The following BLM variants were observed in gnomAD, a reference collection of about 807,000 sequenced individuals.
The protein encoded by BLM is BLM RecQ like helicase, also known as recQ-like DNA helicase BLM.
Under a neutral mutation model 135.3 loss-of-function variants are expected in BLM, and 95 were observed. The observed-to-expected ratio is 0.70, with a 90% CI of 0.59 to 0.83. The LOEUF (loss-of-function observed/expected upper bound fraction) is 0.83. Among genes scored for constraint, BLM ranks in the 40% least tolerant of loss-of-function variants. BLM has a pLI of 0.00. For missense variants in BLM, 1,518 were observed against 1,663.9 expected (o/e 0.91, Z 1.53); for synonymous variants, 520 against 589.2 (o/e 0.88, Z 1.70).
At chr15:90,796,337 G>C (rs1402081927) in intron 16 of BLM, among the ~76,000 whole-genome samples, 1 of 152,166 alleles carries the variant, frequency 6.6e-6, no homozygotes, top group African/African-American at 2.4e-5. Flanking sequence ...ATAAGAGAAG[G>C]GACGGAAGAG....
chr15:90,758,529 A>G (rs1391900439), intron 5 of BLM, among the ~76,000 whole-genome samples: 5 of 152,080 alleles, frequency 3.3e-5, no homozygotes, highest in Middle Eastern at 3.2e-3. Context: ...TTGAAATTCT[A>G]TTTATTAGTT....
intron 14 of BLM, among the ~76,000 whole-genome samples, chr15:90,788,478 T>A (rs200584657): frequency 8.3e-6 from 1 of 120,518 alleles, no homozygotes; most frequent in Non-Finnish European, 1.9e-5. Context: ...TTTGTTTTTT[T>A]TTTTTTTTTT....
intron 8 of BLM, among the ~76,000 whole-genome samples, chr15:90,764,073 C>G (rs1284836676): frequency 1.3e-5 from 2 of 151,648 alleles, no homozygotes; most frequent in African/African-American, 4.8e-5. Context: ...TCCTTTCAAC[C>G]CTATTTTGGT....
rs1413246062 is a variant in BLM at position 90,751,920 on chromosome 15, T to C, written c.933T>C (p.Ala311=). Residue 311 remains alanine (A), a synonymous_variant, in exon 4 of 22, where the codon GCT becomes GCC. Transcript: ENST00000355112. ...VPPSPEEIIS[A]SSSSSKCLST... ...CTTCTCCAGAAGAAATTATTTCTGC[T>C]TCTTCTTCCTCTTCAAAATGCCTTA... is the stretch of plus-strand genomic sequence containing the variant. The C allele has an allele frequency of 6.2e-7, 1 of 1,612,636 alleles. No individual in the cohort carries two copies. Among genetic ancestry groups the C allele is most frequent in the Non-Finnish European group, 8.5e-7 (1 of 1,178,914 alleles).
chr15:90,772,150 C>A (rs1896337727), intron 12 of BLM, among the ~76,000 whole-genome samples: 1 of 152,184 alleles, frequency 6.6e-6, no homozygotes, highest in South Asian at 2.1e-4. Context: ...GTTTCCTGAT[C>A]TTTTCTGCCA....
At chr15:90,780,540 G>A (rs2151176421) in intron 12 of BLM, among the ~76,000 whole-genome samples, 1 of 152,304 alleles carries the variant, frequency 6.6e-6, no homozygotes, top group Admixed American at 6.5e-5. Context: ...GTCTGTGGGA[G>A]CATTCTCAGA....
chr15:90,793,081 G>A (rs527477972), intron 15 of BLM, among the ~76,000 whole-genome samples: 1 of 150,396 alleles, frequency 6.6e-6, no homozygotes, highest in Non-Finnish European at 1.5e-5. Flanking sequence ...GCAACTATTT[G>A]GGGGAAAAAT....
rs572374759 is a variant in BLM at position 90,773,421 on chromosome 15, A to AAAAC, written c.2555+3847_2555+3850dup. 9.4e-3 allele frequency among the ~76,000 whole-genome samples: 1,423 copies of AAAAC among 152,140 alleles called. 62 individuals are homozygous for AAAAC. Among genetic ancestry groups the AAAAC allele is most frequent in the Admixed American group, 0.085 (1,290 of 15,212 alleles). On this transcript the variant is annotated intron_variant, in intron 12 of 21. Transcript: ENST00000355112. ...GGTGATAGAGCGAGACTCCATCTGAAAAACAAACAAACAAAAAAAGGCTTA... is the reference window on the plus strand; with the variant it reads ...GGTGATAGAGCGAGACTCCATCTGAAAAACAAACAAACAAACAAAAAAAGGCTTA...
chr15:90,737,962 G>A (rs1451604513), intron 1 of BLM, among the ~76,000 whole-genome samples: 3 of 152,106 alleles, frequency 2.0e-5, no homozygotes, highest in African/African-American at 7.2e-5. Flanking sequence ...AAAATCAGAA[G>A]TGAACAAGGG....
At chr15:90,785,542 CT>C (rs56691722) in intron 14 of BLM, among the ~76,000 whole-genome samples, 24,351 of 137,134 alleles carry the variant, frequency 0.18, 2,014 homozygotes, top group African/African-American at 0.2. Flanking sequence ...TGTGACTTTT[CT>C]TTTTTTTTTT....
chr15:90,802,170 C>G (rs1278068707), intron 17 of BLM, among the ~76,000 whole-genome samples: 2 of 152,142 alleles, frequency 1.3e-5, no homozygotes, highest in Non-Finnish European at 2.9e-5. Flanking sequence ...TATAATGTGG[C>G]CTTTCAGGGA....
chr15:90,760,405 A>T, intron 6 of BLM, 126 bp downstream of exon 6: 1 of 1,355,348 alleles, frequency 7.4e-7, no homozygotes, highest in Non-Finnish European at 1.0e-6. Context: ...TCATCATGCC[A>T]CTATGTTTTT....
intron 19 of BLM, among the ~76,000 whole-genome samples, chr15:90,807,754 T>C (rs1381570934): frequency 6.6e-6 from 1 of 152,226 alleles, no homozygotes; most frequent in Non-Finnish European, 1.5e-5. Context: ...TTTCAGAACT[T>C]TTCTGCATTC....
intron 21 of BLM, among the ~76,000 whole-genome samples, chr15:90,814,468 G>A (rs942227659): frequency 6.6e-6 from 1 of 152,228 alleles, no homozygotes; most frequent in African/African-American, 2.4e-5. Flanking sequence ...AGAAGGCAGC[G>A]AGTGGGAGGG....
intron 1 of BLM, among the ~76,000 whole-genome samples, chr15:90,723,720 C>A (rs1012284558): frequency 6.6e-6 from 1 of 152,268 alleles, no homozygotes; most frequent in South Asian, 2.1e-4. Flanking sequence ...TAGTACCACA[C>A]AGCCACAATG....
At chr15:90,771,923 A>G (rs1323672120) in intron 12 of BLM, among the ~76,000 whole-genome samples, 2 of 152,110 alleles carry the variant, frequency 1.3e-5, no homozygotes, top group African/African-American at 4.8e-5. Context: ...TTTTCTTAGT[A>G]CTGTGGGGAA....
chr15:90,798,476 A>C (rs1033500466), intron 17 of BLM, 139 bp downstream of exon 17: 2 of 809,744 alleles, frequency 2.5e-6, no homozygotes, highest in African/African-American at 1.7e-5. Flanking sequence ...TAAGTAACAA[A>C]AGAAAGTCAA....
At chr15:90,765,489 TA>T (rs869073811) in intron 9 of BLM, 75 bp downstream of exon 9, 3 of 1,183,538 alleles carry the variant, frequency 2.5e-6, no homozygotes, top group Non-Finnish European at 3.7e-6. Flanking sequence ...ACCTTTTTAT[TA>T]AATAGTTCGT....
At chr15:90,807,779 A>C (rs1005631108) in intron 19 of BLM, among the ~76,000 whole-genome samples, 4 of 152,210 alleles carry the variant, frequency 2.6e-5, no homozygotes, top group Non-Finnish European at 4.4e-5. Flanking sequence ...TCACTTTTTT[A>C]ATGCTAATCA....
Sources: gnomAD v4.1 joint callset for allele counts (sites outside exome capture counted in the v4.1 genomes callset) on GRCh38, gnomAD v4.1.1 for gene constraint, MANE v1.5 for transcripts, NCBI Gene and HGNC (gene_info 2026-07-23, HGNC 2026-07-21) for gene names.